The following AAK1 variants were observed in gnomAD, a reference collection of about 807,000 sequenced individuals.
AAK1 encodes the protein AP2 associated kinase 1, also known as AP2-associated protein kinase 1.
In AAK1, 37 loss-of-function variants were observed where a neutral mutation model predicts 116.0. The ratio of observed to expected loss-of-function variants is 0.32; its 90% CI spans 0.25 to 0.42. AAK1 has a LOEUF of 0.42. AAK1 is among the 10% of genes least tolerant of loss of function. The probability of loss-of-function intolerance (pLI) is 1.00; values close to 1 mark genes in which losing one functional copy is unlikely to be tolerated. For synonymous variants in AAK1, 458 were observed against 439.9 expected (o/e 1.04, Z -0.51); for missense variants, 919 against 1,170.6 (o/e 0.79, Z 3.14).
chr2:69,587,574 T>C (rs934293757), intron 2 of AAK1, among the ~76,000 whole-genome samples: 1 of 151,916 alleles, frequency 6.6e-6, no homozygotes, highest in Non-Finnish European at 1.5e-5. Context: ...CAAGTGATTC[T>C]CCTGTCTCAG....
intron 2 of AAK1, among the ~76,000 whole-genome samples, chr2:69,611,928 A>T (rs111397827): frequency 1.1e-4 from 16 of 152,236 alleles, no homozygotes; most frequent in African/African-American, 3.9e-4. Context: ...TCCATTTTAG[A>T]TGAGGTATCT....
rs538391404 is a variant in AAK1 at position 69,597,354 on chromosome 2, C to T, written c.164-40376G>A. 3.4e-4 allele frequency: 52 copies of T among 153,366 alleles called. 1 individual carries two copies. In the Middle Eastern group the frequency reaches 6.3e-3, roughly 19 times the overall value. The allele number at this position is 153,366 out of a possible 1,614,324, so 9.5% of individuals were successfully genotyped here. ...GGATGGCTCCGGCTCTCTGGACAGC[C>T]CCAGCTCCCTGGACAGCCCTTCCAA... On this transcript the variant is annotated intron_variant, in intron 2 of 21. Transcript: ENST00000409085.
rs1674807413 is a variant in AAK1, at chr2:69,475,163, A to C, written c.*706T>G. 1.0e-6 allele frequency: 1 copy of C among 985,848 alleles called. No homozygotes were observed. Among genetic ancestry groups the C allele is most frequent in the African/African-American group, 1.7e-5 (1 of 57,344 alleles). 61.1% of individuals were successfully genotyped at this position (985,848 alleles called of 1,614,324 possible). A position where few individuals can be genotyped will look rare whatever the true frequency, so the allele number is the denominator to read the frequency against. ...TTGCAGTCACGTCTCCAGATCTGAG[A>C]AATCACGGTTCAATGGAAGCCAGAA... On this transcript the variant is annotated 3_prime_UTR_variant, in exon 22 of 22. Transcript: ENST00000409085.
intron 2 of AAK1, among the ~76,000 whole-genome samples, chr2:69,607,172 C>T (rs529577082): frequency 1.1e-4 from 17 of 151,336 alleles, no homozygotes; most frequent in African/African-American, 3.9e-4. Flanking sequence ...AATTAAGGGT[C>T]AGAGAAGGGT....
intron 2 of AAK1, among the ~76,000 whole-genome samples, chr2:69,557,386 T>C (rs189116467): frequency 0.011 from 1,628 of 151,798 alleles, 34 homozygotes; most frequent in African/African-American, 0.037. Context: ...ACTGCAGCCT[T>C]GACCTCCTGG....
chr2:69,471,894 G>A lies in AAK1; in HGVS notation c.*3975C>T, dbSNP rs1558887863. The A allele has an allele frequency of 2.0e-6, 2 of 985,028 alleles. No individual in the cohort carries two copies. Among genetic ancestry groups the A allele is most frequent in the Non-Finnish European group, 2.4e-6 (2 of 829,700 alleles). The allele number at this position is 985,028 out of a possible 1,614,324, so 61.0% of individuals were successfully genotyped here. ...AAATAAGTAATCAAAACAACCAAAA[G>A]TATTAATAATAAAACAAATATTACA... is the stretch of plus-strand genomic sequence containing the variant. On this transcript the variant is annotated 3_prime_UTR_variant, in exon 22 of 22. Coordinates refer to ENST00000409085, the MANE Select transcript of AAK1 (RefSeq NM_014911.5).
chr2:69,547,720 CAT>C, intron 3 of AAK1, among the ~76,000 whole-genome samples: 1 of 152,272 alleles, frequency 6.6e-6, no homozygotes, highest in Middle Eastern at 3.4e-3. Context: ...GTCAAGTTAT[CAT>C]ATGACCTAGC....
intron 16 of AAK1, among the ~76,000 whole-genome samples, chr2:69,504,734 T>C (rs1175913423): frequency 6.6e-6 from 1 of 152,150 alleles, no homozygotes; most frequent in Non-Finnish European, 1.5e-5. Flanking sequence ...GCCATTGCAC[T>C]CCAGCCTGGG....
At position 69,537,055 on chromosome 2, in the gene AAK1, C is replaced by T. The variant is rs545198220; in HGVS notation, c.535-4893G>A. Among the ~76,000 whole-genome samples the T allele has an allele frequency of 1.3e-4, 20 of 152,264 alleles. No individual in the cohort carries two copies. In the South Asian group the frequency reaches 3.1e-3, roughly 24 times the overall value. On this transcript the variant is annotated intron_variant, in intron 5 of 21. Coordinates refer to ENST00000409085, the MANE Select transcript of AAK1 (RefSeq NM_014911.5). ...ACAGAATAAAACGGGAGTGAAAAAC[C>T]GTGGTCTCCGTTCTGGTTTGATCAC...
Position 69,460,722 on chromosome 2 carries a change from A to T in AAK1, c.*15147T>A, listed in dbSNP as rs1445688620. ...GCTGCTCAGCAGCTGCTTCAGCATC[A>T]AATTGTGTTCATCCCATTTTCTAAT... is the stretch of plus-strand genomic sequence containing the variant. On this transcript the variant is annotated 3_prime_UTR_variant, in exon 22 of 22. Transcript: ENST00000409085. The T allele has an allele frequency of 6.6e-6, 1 of 152,232 alleles. No individual in the cohort carries two copies. The highest frequency in any genetic ancestry group is 2.4e-5 in the African/African-American group (1 of 41,456). 9.4% of individuals were successfully genotyped at this position (152,232 alleles called of 1,614,324 possible). A position where few individuals can be genotyped will look rare whatever the true frequency, so the allele number is the denominator to read the frequency against.
At chr2:69,579,509 G>A (rs1672457030) in intron 2 of AAK1, among the ~76,000 whole-genome samples, 1 of 152,196 alleles carries the variant, frequency 6.6e-6, no homozygotes, top group Non-Finnish European at 1.5e-5. Flanking sequence ...GGCCCGGGAG[G>A]TGGAGGTTGA....
chr2:69,509,423 G>A lies in AAK1; in HGVS notation c.1814C>T (p.Thr605Ile), dbSNP rs1446244064. The change falls in exon 14 of 22, where the codon ACA (threonine) becomes ATA (isoleucine). Residue 605 changes from threonine to isoleucine, a missense_variant. By Grantham distance (89) the Thr-to-Ile change is moderately conservative. This residue lies in a region of AAK1 where 125 missense variants were observed against 184.1 expected (regional missense o/e 0.68). Transcript: ENST00000409085. ...CCCCTGGACGGCAGGAGGTGGGGTT[G>A]TCTGAACCTTTGGCTGTTGTCTTAC... is the stretch of plus-strand genomic sequence containing the variant. ...APVRQQPKVQTTPPPAVQGQK... is the reference protein window; with the variant it reads ...APVRQQPKVQITPPPAVQGQK... 8 of 1,613,780 alleles carry A rather than the reference G, an allele frequency of 5.0e-6. No homozygotes were observed. Among genetic ancestry groups the A allele is most frequent in the Non-Finnish European group, 6.8e-6 (8 of 1,179,876 alleles).
chr2:69,604,210 A>C (rs1392551195), intron 2 of AAK1, among the ~76,000 whole-genome samples: 1 of 152,226 alleles, frequency 6.6e-6, no homozygotes, highest in Non-Finnish European at 1.5e-5. Flanking sequence ...ATTAAAAATT[A>C]ATCAGGCTGG....
rs1482030919 is a variant in AAK1, at chr2:69,466,075, T to C, written c.*9794A>G. ...AATGGGGCTTTGGAGAAAATGTCCA[T>C]GTCATCATTTGGAACCCTTGAGCTC... is the stretch of plus-strand genomic sequence containing the variant. On this transcript the variant is annotated 3_prime_UTR_variant, in exon 22 of 22. Transcript: ENST00000409085. The C allele has an allele frequency of 7.7e-7, 1 of 1,290,936 alleles. No individual in the cohort carries two copies. The highest frequency in any genetic ancestry group is 1.0e-6 in the Non-Finnish European group (1 of 988,890). The allele number at this position is 1,290,936 out of a possible 1,614,324, so 80.0% of individuals were successfully genotyped here.
chr2:69,494,893 A>G (rs1675676539), intron 17 of AAK1, among the ~76,000 whole-genome samples: 1 of 152,180 alleles, frequency 6.6e-6, no homozygotes, highest in Non-Finnish European at 1.5e-5. Context: ...AAAAATAAAA[A>G]ATAAAAACTG....
Position 69,473,469 on chromosome 2 carries a change from C to A in AAK1, c.*2400G>T. The stretch of plus-strand genomic sequence containing the variant: ...AAAATAGTTCTCCCCTTTGAGGAGG[C>A]CTTACTCTAAATAAGCCCAAGACAA... On this transcript the variant is annotated 3_prime_UTR_variant, in exon 22 of 22. Coordinates refer to ENST00000409085, the MANE Select transcript of AAK1 (RefSeq NM_014911.5). 1 of 985,428 alleles carries A rather than the reference C, an allele frequency of 1.0e-6. No homozygotes were observed. Among genetic ancestry groups the A allele is most frequent in the Non-Finnish European group, 1.2e-6 (1 of 829,928 alleles). 61.0% of individuals were successfully genotyped at this position (985,428 alleles called of 1,614,324 possible).
At chr2:69,565,046 A>G (rs1671805395) in intron 2 of AAK1, among the ~76,000 whole-genome samples, 1 of 152,254 alleles carries the variant, frequency 6.6e-6, no homozygotes, top group South Asian at 2.1e-4. Context: ...ATGCCTGAAG[A>G]GCCAGGGAGA....
In AAK1 at chr2:69,542,576, C is replaced by T; in HGVS notation, c.481G>A (p.Ala161Thr). The T allele has an allele frequency of 1.2e-6, 2 of 1,614,042 alleles. No homozygotes were observed. Among genetic ancestry groups the T allele is most frequent in the Non-Finnish European group, 1.7e-6 (2 of 1,179,908 alleles). Residue 161 changes from alanine to threonine, a missense_variant, in exon 5 of 22, where the codon GCT becomes ACT. By Grantham distance (58) the Ala-to-Thr change is moderately conservative (BLOSUM62 0). Around this residue, in one of 4 missense-constraint regions of AAK1, gnomAD observed 317 missense variants for 490.4 expected, o/e 0.65. Coordinates refer to ENST00000409085, the MANE Select transcript of AAK1 (RefSeq NM_014911.5). ...TTGCACTGATGCAGGCGGGCAACAG[C>T]TTCACAGGTATCACAAAATATCTGG... ...VLQIFCDTCE[A>T]VARLHQCKTP...
chr2:69,594,925 C>T, intron 2 of AAK1: 1 of 1,119,270 alleles, frequency 8.9e-7, no homozygotes, highest in Non-Finnish European at 1.3e-6. Context: ...ACTACAGCCA[C>T]TCTGCTTCCT....
Sources: gnomAD v4.1 joint callset for allele counts (sites outside exome capture counted in the v4.1 genomes callset) on GRCh38, gnomAD v4.1.1 for gene constraint, gnomAD v4.1.1 regional missense constraint, MANE v1.5 for transcripts, NCBI Gene and HGNC (gene_info 2026-07-23, HGNC 2026-07-21) for gene names.